ICA1: variants seen among roughly 807,000 people sequenced by gnomAD.
ICA1 encodes the protein islet cell autoantigen 1.
ICA1 carries 40 observed loss-of-function variants against 71.0 expected under a neutral mutation model. The observed-to-expected ratio is 0.56, with a 90% CI of 0.44 to 0.73. ICA1 has a LOEUF of 0.73. Ranked by LOEUF, ICA1 falls within the 30% of genes least tolerant of loss-of-function variation. The probability of loss-of-function intolerance (pLI) is 0.00; values close to 1 mark genes in which losing one functional copy is unlikely to be tolerated. For synonymous variants in ICA1, 207 were observed against 209.5 expected (o/e 0.99, Z 0.10); for missense variants, 578 against 576.5 (o/e 1.00, Z -0.03).
chr7:8,184,306 G>A (rs1372433248), intron 6 of ICA1, among the ~76,000 whole-genome samples: 1 of 152,134 alleles, frequency 6.6e-6, no homozygotes, highest in East Asian at 1.9e-4. Flanking sequence ...ATAATGGTCT[G>A]GTGCCATTTC....
intron 8 of ICA1, among the ~76,000 whole-genome samples, chr7:8,154,102 G>C (rs1800652971): frequency 6.6e-6 from 1 of 151,952 alleles, no homozygotes; most frequent in South Asian, 2.1e-4. Context: ...AGTAAAAGTA[G>C]AATCAATATA....
At chr7:8,230,255 C>A (rs764425150) in intron 3 of ICA1, among the ~76,000 whole-genome samples, 4 of 152,150 alleles carry the variant, frequency 2.6e-5, no homozygotes, top group Non-Finnish European at 5.9e-5. Flanking sequence ...TAAAACTCAG[C>A]GCAATATTTC....
intron 6 of ICA1, among the ~76,000 whole-genome samples, chr7:8,203,548 A>G (rs1256580099): frequency 1.3e-5 from 2 of 152,168 alleles, no homozygotes; most frequent in East Asian, 3.9e-4. Flanking sequence ...ATTAAAAGTC[A>G]GATCTCTGAG....
At chr7:8,136,511 A>C (rs1793475979) in intron 12 of ICA1, among the ~76,000 whole-genome samples, 2 of 152,212 alleles carry the variant, frequency 1.3e-5, no homozygotes, top group Non-Finnish European at 2.9e-5. Flanking sequence ...CACTGAGAGA[A>C]TATTTTTATT....
Position 8,128,126 on chromosome 7 carries a change from C to G in ICA1, c.1077G>C (p.Val359=). ...KSEEGACLGP[V]AGTPEPEGAD... ...CACCTTCAGGTTCCGGGGTCCCTGC[C>G]ACTGGTCCCAGGCAAGCTGATTGAA... is the stretch of plus-strand genomic sequence containing the variant. The change falls in exon 13 of 14, where the codon GTG becomes GTC. Residue 359 remains valine (V), a synonymous_variant. Transcript: ENST00000402384. The G allele has an allele frequency of 6.2e-7, 1 of 1,614,090 alleles. No individual in the cohort carries two copies. The highest frequency in any genetic ancestry group is 1.3e-5 in the African/African-American group (1 of 75,060).
At chr7:8,197,548 A>AC (rs1562955029) in intron 6 of ICA1, among the ~76,000 whole-genome samples, 1 of 8,850 alleles carries the variant, frequency 1.1e-4, no homozygotes, top group African/African-American at 5.8e-4. Flanking sequence ...TTCGTCTCAG[A>AC]AAAAAAAAAA....
At chr7:8,194,955 A>T (rs1299522058) in intron 6 of ICA1, among the ~76,000 whole-genome samples, 1 of 152,230 alleles carries the variant, frequency 6.6e-6, no homozygotes, top group Non-Finnish European at 1.5e-5. Context: ...GTGTGGAAGA[A>T]AATATTTACA....
intron 13 of ICA1, among the ~76,000 whole-genome samples, chr7:8,121,332 C>T (rs1050659842): frequency 1.3e-5 from 2 of 152,166 alleles, no homozygotes; most frequent in Non-Finnish European, 2.9e-5. Flanking sequence ...GTATTCCAGG[C>T]ACTGAGCTGT....
chr7:8,172,497 G>C (rs1808739712), intron 6 of ICA1, among the ~76,000 whole-genome samples: 1 of 152,094 alleles, frequency 6.6e-6, no homozygotes, highest in African/African-American at 2.4e-5. Flanking sequence ...GGACAGCATA[G>C]AGCTAGATCT....
intron 3 of ICA1, among the ~76,000 whole-genome samples, 174 bp downstream of exon 3, chr7:8,232,416 G>C (rs900133794): frequency 6.6e-6 from 1 of 152,178 alleles, no homozygotes; most frequent in African/African-American, 2.4e-5. Context: ...AGGCATGGTG[G>C]TTATGTGAGA....
intron 1 of ICA1, among the ~76,000 whole-genome samples, chr7:8,239,619 G>A (rs1192379930): frequency 6.6e-6 from 1 of 152,184 alleles, no homozygotes; most frequent in Non-Finnish European, 1.5e-5. Flanking sequence ...AAGTGCAAGG[G>A]GTCGGGGGAT....
At position 8,193,732 on chromosome 7, in the gene ICA1, C is replaced by T. The variant is rs532404171; in HGVS notation, c.579+24573G>A. Among the ~76,000 whole-genome samples the T allele has an allele frequency of 1.8e-4, 27 of 152,244 alleles. No individual in the cohort carries two copies. The South Asian group carries it at 5.4e-3, about 30-fold the overall frequency. On this transcript the variant is annotated intron_variant, in intron 6 of 13. Coordinates refer to ENST00000402384, the MANE Select transcript of ICA1 (RefSeq NM_001136020.3). The stretch of plus-strand genomic sequence containing the variant: ...AAAAAACTGTCTTTTGTTCCATTTG[C>T]TTATTTATTCATTTATTACATTATA...
intron 8 of ICA1, among the ~76,000 whole-genome samples, chr7:8,154,885 G>C (rs934844661): frequency 1.6e-4 from 25 of 152,262 alleles, no homozygotes; most frequent in African/African-American, 5.8e-4. Context: ...CTAATAGTGA[G>C]TTGTATCGTA....
chr7:8,170,722 G>C (rs1239891769), intron 6 of ICA1, among the ~76,000 whole-genome samples: 4 of 151,886 alleles, frequency 2.6e-5, no homozygotes. Context: ...AGATTCCTTA[G>C]AATTTTCCAT....
Position 8,143,933 on chromosome 7 carries a change from C to T in ICA1, c.844G>A (p.Glu282Lys). ...DPMKKLVEKEEKKKINQQEST... is the reference protein window; with the variant it reads ...DPMKKLVEKEKKKKINQQEST... ...TCCTGCTGGTTGATTTTCTTCTTCT[C>T]TTCTTTCTCAACTAATTTTTTCATA... The change falls in exon 9 of 14, where the codon GAG becomes AAG. Residue 282 changes from glutamate to lysine, a missense_variant. Physicochemically the swap from Glu to Lys is moderately conservative, Grantham distance 56. Coordinates refer to ENST00000402384, the MANE Select transcript of ICA1 (RefSeq NM_001136020.3). 6.2e-7 allele frequency: 1 copy of T among 1,612,238 alleles called. No homozygotes were observed.
chr7:8,250,575 T>C (rs138468008), intron 1 of ICA1, among the ~76,000 whole-genome samples: 2,036 of 152,336 alleles, frequency 0.013, 13 homozygotes, highest in Non-Finnish European at 0.023. Context: ...TCCACACAAC[T>C]GCACACAAGG....
At chr7:8,257,993 C>T (rs1810820855) in intron 1 of ICA1, among the ~76,000 whole-genome samples, 1 of 152,122 alleles carries the variant, frequency 6.6e-6, no homozygotes, top group Non-Finnish European at 1.5e-5. Context: ...CCACTCCCAA[C>T]CCTTATTTAC....
rs1421378543 is a variant in ICA1 at position 8,223,793 on chromosome 7, G to T, written c.257-2395C>A. 6.6e-6 allele frequency among the ~76,000 whole-genome samples: 1 copy of T among 152,056 alleles called. No homozygotes were observed. Among genetic ancestry groups the T allele is most frequent in the African/African-American group, 2.4e-5 (1 of 41,396 alleles). Reference sequence around the variant, plus strand: ...CAAGAAGAAAGCAAAAACAAAAAAAGATAACTCAAAATGTTCTATTAATAA... The same window carrying T: ...CAAGAAGAAAGCAAAAACAAAAAAATATAACTCAAAATGTTCTATTAATAA... On this transcript the variant is annotated intron_variant, in intron 4 of 13. Coordinates refer to ENST00000402384, the MANE Select transcript of ICA1 (RefSeq NM_001136020.3). The surrounding 1 kb of genome is among the most constrained non-coding windows in gnomAD (Gnocchi z 4.1).
chr7:8,209,898 C>T (rs774261033), intron 6 of ICA1, among the ~76,000 whole-genome samples: 12 of 152,076 alleles, frequency 7.9e-5, no homozygotes, highest in Non-Finnish European at 1.6e-4. Context: ...GCTGGAAACA[C>T]AGGGTGTGCA....
Sources: allele counts gnomAD v4.1 joint callset (sites outside exome capture counted in the v4.1 genomes callset), GRCh38; gene constraint gnomAD v4.1.1; non-coding constraint Gnocchi (gnomAD v3.1); transcripts MANE v1.5; gene names NCBI Gene and HGNC (gene_info 2026-07-23, HGNC 2026-07-21).